FAM163B: variants seen among roughly 807,000 people sequenced by gnomAD.
The protein encoded by FAM163B is family with sequence similarity 163 member B, also known as protein FAM163B.
A neutral mutation model predicts 7.6 loss-of-function variants in FAM163B; 4 were observed. That is an observed-to-expected ratio of 0.52 (90% CI 0.26 to 1.20). FAM163B has a LOEUF of 1.20. FAM163B is among the 50% of genes most tolerant of loss of function. FAM163B has a pLI of 0.14. For synonymous variants in FAM163B, 120 were observed against 111.6 expected (o/e 1.07, Z -0.47); for missense variants, 250 against 243.0 (o/e 1.03, Z -0.19).
chr9:133,589,301 C>T (rs1173676894), intron 1 of FAM163B, among the ~76,000 whole-genome samples: 1 of 152,216 alleles, frequency 6.6e-6, no homozygotes, highest in African/African-American at 2.4e-5. Flanking sequence ...TGGCACCCTT[C>T]ACCAATGTCT....
At chr9:133,590,076 CCCCTTCCCCTT>C (rs1564193473) in intron 1 of FAM163B, among the ~76,000 whole-genome samples, 8 of 36,786 alleles carry the variant, frequency 2.2e-4, no homozygotes, top group Non-Finnish European at 3.0e-4. Context: ...CCCTTCCCTT[CCCCTTCCCCTT>C]CCCTTCCCCT....
intron 1 of FAM163B, 71 bp from the exon 2 acceptor site, chr9:133,580,317 G>C (rs1397068417): frequency 8.3e-7 from 1 of 1,199,748 alleles, no homozygotes. Flanking sequence ...CTATTCTAGA[G>C]AACTGAGAAG....
intron 1 of FAM163B, among the ~76,000 whole-genome samples, chr9:133,597,369 C>G (rs1034999014): frequency 2.0e-5 from 3 of 152,116 alleles, no homozygotes; most frequent in Non-Finnish European, 4.4e-5. Flanking sequence ...GAATTAACCT[C>G]AGACTAGATA....
chr9:133,587,294 G>A (rs915095408), intron 1 of FAM163B, among the ~76,000 whole-genome samples: 2 of 152,344 alleles, frequency 1.3e-5, no homozygotes, highest in African/African-American at 4.8e-5. Flanking sequence ...GAGTCGAGGG[G>A]TGTTGTGGAC....
chr9:133,594,934 GGACAA>G lies in FAM163B; in HGVS notation c.-24+14138_-24+14142del, dbSNP rs1564195430. On this transcript the variant is annotated intron_variant, in intron 1 of 2. Transcript: ENST00000673969. ...TGCTTGGAGTATAAGAGCAGGAGGG[GGACAA>G]GACAAGAGGGGCGAGGTCAGCAGAG... 2.0e-5 allele frequency among the ~76,000 whole-genome samples: 3 copies of G among 152,242 alleles called. No homozygotes were observed. The South Asian group carries it at 6.2e-4, about 32-fold the overall frequency.
In FAM163B at chr9:133,578,832, T is replaced by G; in HGVS notation, c.*190A>C. The stretch of plus-strand genomic sequence containing the variant: ...CAGCTGTGCCTCCCCCCAGGACACA[T>G]TTGTGTTCAATGAGCCTTATCCCTG... On this transcript the variant is annotated 3_prime_UTR_variant, in exon 3 of 3. Coordinates refer to ENST00000673969, the MANE Select transcript of FAM163B (RefSeq NM_001080515.3). 14 of 1,099,608 alleles carry G rather than the reference T, an allele frequency of 1.3e-5. No individual in the cohort carries two copies. The highest frequency in any genetic ancestry group is 2.0e-5 in the South Asian group (1 of 50,038). The allele number at this position is 1,099,608 out of a possible 1,614,324, so 68.1% of individuals were successfully genotyped here. A position where few individuals can be genotyped will look rare whatever the true frequency, so the allele number is the denominator to read the frequency against.
intron 1 of FAM163B, chr9:133,586,005 A>C (rs1831431302): frequency 6.6e-6 from 1 of 152,260 alleles, no homozygotes; most frequent in African/African-American, 2.4e-5. Context: ...GGCGTCCTCG[A>C]TCGGAGGAGA....
At chr9:133,581,537 C>A (rs1453848397) in intron 1 of FAM163B, among the ~76,000 whole-genome samples, 2 of 152,184 alleles carry the variant, frequency 1.3e-5, no homozygotes, top group Non-Finnish European at 2.9e-5. Flanking sequence ...CCTGTCGTCT[C>A]TGAAATGCCT....
At chr9:133,596,031 C>T (rs866346568) in intron 1 of FAM163B, among the ~76,000 whole-genome samples, 6 of 151,818 alleles carry the variant, frequency 4.0e-5, no homozygotes, top group East Asian at 1.9e-4. Context: ...TCTGTGGCTG[C>T]GGGTGCAAGG....
At chr9:133,586,010 A>C (rs977485134) in intron 1 of FAM163B, 1 of 152,240 alleles carries the variant, frequency 6.6e-6, no homozygotes, top group Non-Finnish European at 1.5e-5. Context: ...CCTCGATCGG[A>C]GGAGAGCAGC....
At position 133,579,363 on chromosome 9, in the gene FAM163B, G is replaced by T; in HGVS notation, c.160C>A (p.His54Asn). 6.2e-7 allele frequency: 1 copy of T among 1,612,710 alleles called. No individual in the cohort carries two copies. Among genetic ancestry groups the T allele is most frequent in the African/African-American group, 1.3e-5 (1 of 75,050 alleles). ...EEEPDFAVHS[H>N]LPPLHSNRNL... ...CGGTTGGAGTGCAGCGGGGGCAGGT[G>T]CGAGTGAACGGCGAAGTCTGGTTCC... The change falls in exon 3 of 3, where the codon CAC becomes AAC. Residue 54 changes from histidine (H) to asparagine (N), a missense_variant. Physicochemically the swap from His to Asn is moderately conservative, Grantham distance 68. Coordinates refer to ENST00000673969, the MANE Select transcript of FAM163B (RefSeq NM_001080515.3).
At chr9:133,598,974 C>A (rs1487062604) in intron 1 of FAM163B, among the ~76,000 whole-genome samples, 1 of 152,092 alleles carries the variant, frequency 6.6e-6, no homozygotes, top group East Asian at 1.9e-4. Context: ...GGGAAGGATG[C>A]CAGCCTGCCC....
chr9:133,591,738 G>T (rs1831556104), intron 1 of FAM163B, among the ~76,000 whole-genome samples: 1 of 152,156 alleles, frequency 6.6e-6, no homozygotes, highest in Non-Finnish European at 1.5e-5. Context: ...TGTCCCGAAG[G>T]ATGGCCCCCA....
intron 1 of FAM163B, among the ~76,000 whole-genome samples, chr9:133,582,393 C>T (rs951159376): frequency 1.3e-5 from 2 of 152,196 alleles, no homozygotes; most frequent in Non-Finnish European, 2.9e-5. Context: ...GGGAGCAAAC[C>T]GAGGCCTGGA....
intron 1 of FAM163B, among the ~76,000 whole-genome samples, chr9:133,608,780 A>ACTGCCCC (rs1217270426): frequency 6.6e-6 from 1 of 152,196 alleles, no homozygotes; most frequent in Non-Finnish European, 1.5e-5. Flanking sequence ...TTCCCTCCCC[A>ACTGCCCC]CTGCCCCCTG....
rs1234137622 is a variant in FAM163B at position 133,578,113 on chromosome 9, G to A, written c.*909C>T. Among the ~76,000 whole-genome samples the A allele has an allele frequency of 5.3e-5, 8 of 152,268 alleles. No individual in the cohort carries two copies. The highest frequency in any genetic ancestry group is 5.2e-4 in the Admixed American group (8 of 15,306). On this transcript the variant is annotated 3_prime_UTR_variant, in exon 3 of 3. Transcript: ENST00000673969. The stretch of plus-strand genomic sequence containing the variant: ...AAGATGGGGAGACTGAGGCCCAGGG[G>A]TGGGAAGGGCCAGCCAAGTCTCACG...
chr9:133,596,769 C>T (rs1831639280), intron 1 of FAM163B, among the ~76,000 whole-genome samples: 1 of 152,178 alleles, frequency 6.6e-6, no homozygotes, highest in Non-Finnish European at 1.5e-5. Context: ...AGAGGGTCCC[C>T]CATGAGTAGC....
chr9:133,591,486 G>A (rs1010004650), intron 1 of FAM163B, among the ~76,000 whole-genome samples: 7 of 152,118 alleles, frequency 4.6e-5, no homozygotes, highest in Non-Finnish European at 8.8e-5. Context: ...GACCCTGCCT[G>A]GCCTTCTCCA....
At chr9:133,602,629 C>T (rs3025329) in intron 1 of FAM163B, among the ~76,000 whole-genome samples, 3 of 151,920 alleles carry the variant, frequency 2.0e-5, no homozygotes, top group East Asian at 3.9e-4. Flanking sequence ...GAGATCTGTT[C>T]AGTAATTAGA....
Sources: gnomAD v4.1 joint callset for allele counts (sites outside exome capture counted in the v4.1 genomes callset) on GRCh38, gnomAD v4.1.1 for gene constraint, MANE v1.5 for transcripts, NCBI Gene and HGNC (gene_info 2026-07-23, HGNC 2026-07-21) for gene names.